Variants in TSHZ3 observed in about 807,000 individuals in gnomAD.
The protein encoded by TSHZ3 is teashirt homolog 3.
In TSHZ3, 10 loss-of-function variants were observed where a neutral mutation model predicts 64.5. The observed-to-expected ratio is 0.16, with a 90% CI of 0.10 to 0.26. TSHZ3 has a LOEUF of 0.26. TSHZ3 is among the 10% of genes least tolerant of loss of function. The pLI, the probability that TSHZ3 is intolerant of heterozygous loss-of-function variation, is 1.00. For synonymous variants in TSHZ3, 608 were observed against 593.1 expected (o/e 1.03, Z -0.36); for missense variants, 1,242 against 1,421.7 (o/e 0.87, Z 2.03).
chr19:31,306,401 G>A (rs1028267708), intron 1 of TSHZ3, among the ~76,000 whole-genome samples: 3 of 152,160 alleles, frequency 2.0e-5, no homozygotes, highest in South Asian at 2.1e-4. Context: ...TAGTGTCTCC[G>A]TTACTTAAAG....
intron 1 of TSHZ3, among the ~76,000 whole-genome samples, chr19:31,281,687 C>T (rs1295869590): frequency 2.0e-5 from 3 of 152,194 alleles, no homozygotes; most frequent in Non-Finnish European, 2.9e-5. Context: ...CCAATGGAGG[C>T]TCCTGTGCTA....
Position 31,293,424 on chromosome 19 carries a change from C to T in TSHZ3, c.41-13672G>A, listed in dbSNP as rs559181229. Among the ~76,000 whole-genome samples the T allele has an allele frequency of 8.5e-5, 13 of 152,344 alleles. No homozygotes were observed. The East Asian group carries it at 2.1e-3, about 25-fold the overall frequency. On this transcript the variant is annotated intron_variant, in intron 1 of 1. Coordinates refer to ENST00000240587, the MANE Select transcript of TSHZ3 (RefSeq NM_020856.4). ...GTTTTATTGTCCACTGCCCCCTCCACACACAGAGATGCTAGTCTTCCCTGA... is the reference window on the plus strand; with the variant it reads ...GTTTTATTGTCCACTGCCCCCTCCATACACAGAGATGCTAGTCTTCCCTGA...
At chr19:31,240,087 CA>C (rs921188135) in intron 3 of TSHZ3, among the ~76,000 whole-genome samples, 28 of 151,716 alleles carry the variant, frequency 1.8e-4, no homozygotes, top group Non-Finnish European at 3.4e-4. Context: ...TCTTGTTTTT[CA>C]TTCAATTTGT....
At chr19:31,210,132 G>A (rs967385858) in intron 4 of TSHZ3, among the ~76,000 whole-genome samples, 1 of 152,100 alleles carries the variant, frequency 6.6e-6, no homozygotes, top group Non-Finnish European at 1.5e-5. Flanking sequence ...TACTTGGGGG[G>A]ATATTCCAAG....
At chr19:31,200,813 T>TGTGCATGTGTGTGGGAAGGGGG (rs1975072786) in intron 5 of TSHZ3, among the ~76,000 whole-genome samples, 3 of 152,130 alleles carry the variant, frequency 2.0e-5, no homozygotes, top group Admixed American at 2.0e-4. Context: ...AATGGGAGGC[T>TGTGCATGTGTGTGGGAAGGGGG]GTGCATGTGT....
At chr19:31,340,505 G>A (rs1244299067) in intron 1 of TSHZ3, among the ~76,000 whole-genome samples, 4 of 150,524 alleles carry the variant, frequency 2.7e-5, no homozygotes, top group African/African-American at 7.3e-5. Flanking sequence ...AGGGGAAAGG[G>A]AGGGAAGGGG....
At chr19:31,198,956 C>A (rs1905386710) in intron 5 of TSHZ3, among the ~76,000 whole-genome samples, 1 of 152,036 alleles carries the variant, frequency 6.6e-6, no homozygotes, top group African/African-American at 2.4e-5. Flanking sequence ...AGGTAAAAGG[C>A]CCACAATAGC....
intron 5 of TSHZ3, among the ~76,000 whole-genome samples, chr19:31,173,688 T>C (rs1974567439): frequency 6.6e-6 from 1 of 152,194 alleles, no homozygotes; most frequent in Non-Finnish European, 1.5e-5. Flanking sequence ...TCAGCTCAAT[T>C]ATTTCCTCCA....
At chr19:31,293,883 C>G (rs1045818881) in intron 1 of TSHZ3, among the ~76,000 whole-genome samples, 5 of 152,166 alleles carry the variant, frequency 3.3e-5, no homozygotes, top group Admixed American at 3.3e-4. Flanking sequence ...TAAGAACCAA[C>G]AAAGACCAAG....
At chr19:31,341,538 C>T (rs1917434136) in intron 1 of TSHZ3, among the ~76,000 whole-genome samples, 2 of 152,000 alleles carry the variant, frequency 1.3e-5, no homozygotes, top group African/African-American at 4.8e-5. Flanking sequence ...AGTAGATATC[C>T]TGCATGTTAT....
At chr19:31,311,535 T>G (rs2145154718) in intron 1 of TSHZ3, among the ~76,000 whole-genome samples, 1 of 152,190 alleles carries the variant, frequency 6.6e-6, no homozygotes, top group Middle Eastern at 3.4e-3. Context: ...CTCCAGTACA[T>G]GCAGAGATGA....
At chr19:31,330,715 GAGGA>G (rs1917064141) in intron 1 of TSHZ3, among the ~76,000 whole-genome samples, 1 of 151,112 alleles carries the variant, frequency 6.6e-6, no homozygotes, top group African/African-American at 2.4e-5. Context: ...TGGGCGGGGG[GAGGA>G]AAGTCCAGAA....
chr19:31,345,477 C>T (rs1041564604), intron 1 of TSHZ3, among the ~76,000 whole-genome samples: 1 of 152,172 alleles, frequency 6.6e-6, no homozygotes, highest in Non-Finnish European at 1.5e-5. Context: ...AACATGGAAC[C>T]CCCTCTGGCT....
intron 1 of TSHZ3, among the ~76,000 whole-genome samples, chr19:31,336,239 TTTTAGC>T (rs1917238073): frequency 6.6e-6 from 1 of 152,216 alleles, no homozygotes; most frequent in Non-Finnish European, 1.5e-5. Flanking sequence ...CTCCAGAATA[TTTTAGC>T]TTCAGAAAAA....
intron 1 of TSHZ3, among the ~76,000 whole-genome samples, chr19:31,257,980 G>C (rs1468526598): frequency 6.6e-6 from 1 of 152,180 alleles, no homozygotes; most frequent in African/African-American, 2.4e-5. Flanking sequence ...GAAGTGCAAG[G>C]GAGACAGGGA....
intron 4 of TSHZ3, among the ~76,000 whole-genome samples, chr19:31,224,380 G>T (rs993189314): frequency 6.6e-6 from 1 of 152,168 alleles, no homozygotes; most frequent in Non-Finnish European, 1.5e-5. Flanking sequence ...TGTGTCATTG[G>T]CTGTGTAATG....
chr19:31,227,909 T>C (rs1157030021), intron 4 of TSHZ3, among the ~76,000 whole-genome samples: 1 of 152,156 alleles, frequency 6.6e-6, no homozygotes, highest in East Asian at 1.9e-4. Context: ...CATGAAATCT[T>C]ATTGGTTTAT....
chr19:31,348,890 T>C (rs1487770223), intron 1 of TSHZ3: 1 of 372,534 alleles, frequency 2.7e-6, no homozygotes, highest in Non-Finnish European at 4.8e-6. Context: ...TTGCTTCCCA[T>C]TCCCTCTGCA....
intron 4 of TSHZ3, among the ~76,000 whole-genome samples, chr19:31,227,516 C>T (rs974531245): frequency 2.0e-5 from 3 of 151,968 alleles, no homozygotes; most frequent in Non-Finnish European, 4.4e-5. Flanking sequence ...GGAGAGCCTG[C>T]TAGAAGAGAA....
Sources: gnomAD v4.1 joint callset for allele counts (sites outside exome capture counted in the v4.1 genomes callset) on GRCh38, gnomAD v4.1.1 for gene constraint, MANE v1.5 for transcripts, NCBI Gene and HGNC (gene_info 2026-07-23, HGNC 2026-07-21) for gene names.